The following ANKRD44 variants were observed in gnomAD, a reference collection of about 807,000 sequenced individuals.
The protein encoded by ANKRD44 is ankyrin repeat domain 44, also known as serine/threonine-protein phosphatase 6 regulatory ankyrin repeat subunit B.
Under a neutral mutation model 116.0 loss-of-function variants are expected in ANKRD44, and 35 were observed. The observed-to-expected ratio is 0.30, with a 90% CI of 0.23 to 0.40. The LOEUF is 0.40. Among genes scored for constraint, ANKRD44 ranks in the 10% least tolerant of loss-of-function variants. The pLI, the probability that ANKRD44 is intolerant of heterozygous loss-of-function variation, is 1.00. For missense variants in ANKRD44, 1,014 were observed against 1,242.6 expected (o/e 0.82, Z 2.77); for synonymous variants, 435 against 461.8 (o/e 0.94, Z 0.74).
chr2:197,156,260 G>A (rs2125473400), intron 2 of ANKRD44, among the ~76,000 whole-genome samples: 1 of 152,196 alleles, frequency 6.6e-6, no homozygotes, highest in South Asian at 2.1e-4. Flanking sequence ...GCAGGAGAAT[G>A]GAGTGAACCC....
intron 1 of ANKRD44, among the ~76,000 whole-genome samples, chr2:197,266,577 A>G (rs2082747549): frequency 6.6e-6 from 1 of 151,000 alleles, no homozygotes; most frequent in African/African-American, 2.4e-5. Flanking sequence ...GACAGTCCCT[A>G]ACCAAAAGAC....
At chr2:197,133,138 G>C (rs1414915964) in intron 4 of ANKRD44, among the ~76,000 whole-genome samples, 1 of 152,210 alleles carries the variant, frequency 6.6e-6, no homozygotes, top group African/African-American at 2.4e-5. Flanking sequence ...TCACCACGTT[G>C]GCAAGGGGCA....
intron 1 of ANKRD44, among the ~76,000 whole-genome samples, chr2:197,305,013 C>G (rs2084025612): frequency 1.3e-5 from 2 of 152,186 alleles, no homozygotes; most frequent in Admixed American, 1.3e-4. Context: ...ATGATGACCA[C>G]ATATCCAGGT....
chr2:197,020,503 T>C (rs1258260384), intron 17 of ANKRD44, among the ~76,000 whole-genome samples: 3 of 152,110 alleles, frequency 2.0e-5, no homozygotes, highest in Non-Finnish European at 4.4e-5. Flanking sequence ...GCCGATGAGC[T>C]TAAATAAAAA....
intron 16 of ANKRD44, among the ~76,000 whole-genome samples, chr2:197,076,671 G>C (rs2077673464): frequency 6.6e-6 from 1 of 151,482 alleles, no homozygotes; most frequent in Non-Finnish European, 1.5e-5. Context: ...CCACCCTTAA[G>C]TAGGCCCCAG....
At chr2:197,142,533 A>C (rs1337650762) in intron 3 of ANKRD44, among the ~76,000 whole-genome samples, 3 of 152,212 alleles carry the variant, frequency 2.0e-5, no homozygotes, top group African/African-American at 4.8e-5. Flanking sequence ...TGAACGTGAC[A>C]ATTGCTCAAA....
chr2:197,041,463 A>G (rs2076910341), intron 16 of ANKRD44, among the ~76,000 whole-genome samples: 1 of 152,042 alleles, frequency 6.6e-6, no homozygotes, highest in East Asian at 1.9e-4. Flanking sequence ...AGCATCAACT[A>G]TGGTCTTCAA....
intron 1 of ANKRD44, among the ~76,000 whole-genome samples, chr2:197,305,035 A>G (rs965531182): frequency 2.0e-5 from 3 of 152,226 alleles, no homozygotes; most frequent in African/African-American, 7.2e-5. Context: ...TACCCAGGAC[A>G]GTCCTGGCTC....
At chr2:197,218,632 A>C (rs2081505921) in intron 1 of ANKRD44, among the ~76,000 whole-genome samples, 1 of 151,846 alleles carries the variant, frequency 6.6e-6, no homozygotes, top group Non-Finnish European at 1.5e-5. Flanking sequence ...GAAAACCTGT[A>C]CTTTTGGAGT....
intron 2 of ANKRD44, among the ~76,000 whole-genome samples, chr2:197,157,008 T>C (rs1275669229): frequency 6.6e-6 from 1 of 152,192 alleles, no homozygotes; most frequent in Admixed American, 6.5e-5. Flanking sequence ...TTTGGAGCAC[T>C]GTATATGTTC....
chr2:197,216,621 C>T (rs951621452), intron 1 of ANKRD44, among the ~76,000 whole-genome samples: 2 of 152,056 alleles, frequency 1.3e-5, no homozygotes, highest in South Asian at 2.1e-4. Flanking sequence ...AAGGGTGGCC[C>T]GTTTCTAAGA....
At chr2:197,150,237 G>A (rs978935944) in intron 2 of ANKRD44, among the ~76,000 whole-genome samples, 15 of 152,098 alleles carry the variant, frequency 9.9e-5, no homozygotes, top group Non-Finnish European at 2.1e-4. Flanking sequence ...CTCCCAACCT[G>A]AAACTTTTTT....
intron 2 of ANKRD44, among the ~76,000 whole-genome samples, chr2:197,172,657 C>T (rs1215462808): frequency 6.6e-6 from 1 of 152,142 alleles, no homozygotes; most frequent in African/African-American, 2.4e-5. Context: ...CTCCATCTCC[C>T]AAGGTCAAGC....
At chr2:197,131,301 C>T (rs1489570749) in intron 4 of ANKRD44, among the ~76,000 whole-genome samples, 1 of 151,574 alleles carries the variant, frequency 6.6e-6, no homozygotes, top group African/African-American at 2.4e-5. Context: ...ACGCCATTCT[C>T]CTGCCTCAGC....
chr2:197,006,736 G>A (rs2076209395), intron 20 of ANKRD44, among the ~76,000 whole-genome samples: 1 of 152,142 alleles, frequency 6.6e-6, no homozygotes, highest in Non-Finnish European at 1.5e-5. Context: ...TCATTTATCA[G>A]TGTACTTGGT....
chr2:196,987,511 C>A lies in ANKRD44; in HGVS notation c.*2080G>T. 1.0e-6 allele frequency: 1 copy of A among 985,350 alleles called. No individual in the cohort carries two copies. Among genetic ancestry groups the A allele is most frequent in the Non-Finnish European group, 1.2e-6 (1 of 829,878 alleles). 61.0% of individuals were successfully genotyped at this position (985,350 alleles called of 1,614,324 possible). A position where few individuals can be genotyped will look rare whatever the true frequency, so the allele number is the denominator to read the frequency against. On this transcript the variant is annotated 3_prime_UTR_variant, in exon 28 of 28. Coordinates refer to ENST00000282272, the MANE Select transcript of ANKRD44 (RefSeq NM_001195144.2). ...AAGCACACCAAGTTGCTCAACAGTACAAAGAATAACTAGTGCAGCAAATCC... is the reference window on the plus strand; with the variant it reads ...AAGCACACCAAGTTGCTCAACAGTAAAAAGAATAACTAGTGCAGCAAATCC...
At chr2:197,287,987 T>C (rs2083453321) in intron 1 of ANKRD44, among the ~76,000 whole-genome samples, 1 of 124,872 alleles carries the variant, frequency 8.0e-6, no homozygotes, top group Admixed American at 1.1e-4. Flanking sequence ...ATCATTGCAC[T>C]CCAGCCTGGG....
intron 1 of ANKRD44, among the ~76,000 whole-genome samples, chr2:197,279,587 T>C (rs2083205821): frequency 6.6e-6 from 1 of 152,184 alleles, no homozygotes; most frequent in Non-Finnish European, 1.5e-5. Flanking sequence ...CGCTTCACTG[T>C]TCCTGGAAGC....
chr2:197,160,073 C>T (rs374129584), intron 2 of ANKRD44, among the ~76,000 whole-genome samples: 8 of 152,216 alleles, frequency 5.3e-5, no homozygotes, highest in African/African-American at 1.4e-4. Context: ...CACATGCACA[C>T]GCACACACAT....
Sources: allele counts gnomAD v4.1 joint callset (sites outside exome capture counted in the v4.1 genomes callset), GRCh38; gene constraint gnomAD v4.1.1; transcripts MANE v1.5; gene names NCBI Gene and HGNC (gene_info 2026-07-23, HGNC 2026-07-21).